Variants in CD38 observed in about 807,000 individuals in gnomAD.
The protein encoded by CD38 is CD38 molecule.
CD38 carries 31 observed loss-of-function variants against 36.3 expected under a neutral mutation model. The observed-to-expected ratio is 0.85, with a 90% CI of 0.64 to 1.15. CD38 has a LOEUF of 1.15. Among genes scored for constraint, CD38 ranks in the 50% most tolerant of loss-of-function variants. The pLI is 0.00. For missense variants in CD38, 380 were observed against 371.9 expected (o/e 1.02, Z -0.18); for synonymous variants, 131 against 135.2 (o/e 0.97, Z 0.22).
In CD38 at chr4:15,825,001, G is replaced by A; in HGVS notation, c.484G>A (p.Glu162Lys). 6.2e-7 allele frequency: 1 copy of A among 1,612,250 alleles called. No homozygotes were observed. Among genetic ancestry groups the A allele is most frequent in the Non-Finnish European group, 8.5e-7 (1 of 1,179,006 alleles). ...YLADDLTWCGEFNTSKINYQS... is the reference protein window; with the variant it reads ...YLADDLTWCGKFNTSKINYQS... ...TGCTGATGACCTCACATGGTGTGGT[G>A]AATTCAACACTTCCAGTGAGGCTCT... Residue 162 changes from glutamate to lysine, a missense_variant, in exon 3 of 8, where the codon GAA becomes AAA. Physicochemically the swap from Glu to Lys is moderately conservative, Grantham distance 56. Coordinates refer to ENST00000226279, the MANE Select transcript of CD38 (RefSeq NM_001775.4).
intron 1 of CD38, 76 bp from the exon 2 acceptor site, chr4:15,816,435 T>G: frequency 7.9e-7 from 1 of 1,270,686 alleles, no homozygotes; most frequent in Non-Finnish European, 1.1e-6. Flanking sequence ...TAAATAAGAT[T>G]CTAAAAAATA....
intron 3 of CD38, among the ~76,000 whole-genome samples, chr4:15,827,457 T>C (rs1045370973): frequency 6.6e-6 from 1 of 152,192 alleles, no homozygotes; most frequent in African/African-American, 2.4e-5. Context: ...TCACAATGTT[T>C]AAAATATTTT....
At chr4:15,825,893 T>A (rs1723835074) in intron 3 of CD38, 2 of 152,120 alleles carry the variant, frequency 1.3e-5, no homozygotes, top group African/African-American at 2.4e-5. Flanking sequence ...CCAGAAAGAC[T>A]CAACACCTCA....
Position 15,808,667 on chromosome 4 carries a change from G to A in CD38, c.234-7844G>A, listed in dbSNP as rs184374924. On this transcript the variant is annotated intron_variant, in intron 1 of 7. Transcript: ENST00000226279. The stretch of plus-strand genomic sequence containing the variant: ...AGTGTTTTTTGGACAGAGAAGCATT[G>A]AAGATGCCCTGGTTTTAAGGTCTTA... Among the ~76,000 whole-genome samples the A allele has an allele frequency of 2.9e-3, 439 of 152,326 alleles. 2 individuals are homozygous for A. Among genetic ancestry groups the A allele is most frequent in the African/African-American group, 8.9e-3 (369 of 41,576 alleles).
chr4:15,791,057 G>GC (rs1408190384), intron 1 of CD38, among the ~76,000 whole-genome samples: 51 of 129,346 alleles, frequency 3.9e-4, no homozygotes, highest in Non-Finnish European at 7.6e-4. Flanking sequence ...GGGGGGGTCA[G>GC]CCCCCCGCCC....
intron 1 of CD38, among the ~76,000 whole-genome samples, chr4:15,806,792 A>T (rs1723350898): frequency 6.6e-6 from 1 of 152,182 alleles, no homozygotes; most frequent in African/African-American, 2.4e-5. Flanking sequence ...TGCCCATCCT[A>T]TGCTGTGTTG....
intron 1 of CD38, among the ~76,000 whole-genome samples, chr4:15,812,205 A>T (rs539812359): frequency 7.3e-4 from 111 of 152,314 alleles, no homozygotes; most frequent in Non-Finnish European, 1.4e-3. Context: ...GTAGCATTGT[A>T]GTAAGTTTTG....
At chr4:15,806,702 T>A (rs1560311631) in intron 1 of CD38, among the ~76,000 whole-genome samples, 1 of 151,774 alleles carries the variant, frequency 6.6e-6, no homozygotes, top group Non-Finnish European at 1.5e-5. Flanking sequence ...ATAGGGTGAG[T>A]GAGAGGTCTG....
chr4:15,811,923 T>C (rs1723482682), intron 1 of CD38, among the ~76,000 whole-genome samples: 1 of 152,212 alleles, frequency 6.6e-6, no homozygotes, highest in African/African-American at 2.4e-5. Context: ...ATGCCTGGGC[T>C]CAGGTTTCTT....
intron 1 of CD38, among the ~76,000 whole-genome samples, chr4:15,807,551 G>A (rs7668511): frequency 0.027 from 4,098 of 152,040 alleles, 122 homozygotes; most frequent in African/African-American, 0.071. Context: ...TGAGTGTCAG[G>A]GGGGGCTGCA....
intron 3 of CD38, among the ~76,000 whole-genome samples, chr4:15,826,459 G>GCACGCACACACACACA (rs1222637407): frequency 3.4e-5 from 5 of 146,348 alleles, no homozygotes; most frequent in African/African-American, 1.3e-4. Flanking sequence ...ACTTTTGTGC[G>GCACGCACACACACACA]CACACACACA....
chr4:15,837,757 A>G (rs574443202), intron 4 of CD38, among the ~76,000 whole-genome samples: 2 of 152,290 alleles, frequency 1.3e-5, no homozygotes, highest in East Asian at 1.9e-4. Context: ...TTTACAGTGC[A>G]TGACACTGAG....
In CD38 at chr4:15,787,774, C is replaced by T. The variant is rs535236988; in HGVS notation, c.233+9127C>T. Among the ~76,000 whole-genome samples, 3 of 152,212 alleles carry T rather than the reference C, an allele frequency of 2.0e-5. No individual in the cohort carries two copies. In the South Asian group the frequency reaches 6.2e-4, roughly 32 times the overall value. The stretch of plus-strand genomic sequence containing the variant: ...AGTGAAAGAGCGGCTAGGGGACTGC[C>T]GAAGAGTCAGCAGTCTCAATAAACT... On this transcript the variant is annotated intron_variant, in intron 1 of 7. Transcript: ENST00000226279.
At chr4:15,833,140 C>T (rs1195367882) in intron 3 of CD38, among the ~76,000 whole-genome samples, 1 of 152,152 alleles carries the variant, frequency 6.6e-6, no homozygotes, top group East Asian at 1.9e-4. Context: ...CCCCTCTGGC[C>T]CAGGGCAGGC....
intron 1 of CD38, among the ~76,000 whole-genome samples, chr4:15,786,029 C>T (rs1441099308): frequency 2.0e-5 from 3 of 151,928 alleles, no homozygotes; most frequent in South Asian, 2.1e-4. Context: ...TGGAGTTGTT[C>T]GTTCCTCCTG....
chr4:15,778,818 T>C lies in CD38; in HGVS notation c.233+171T>C, dbSNP rs965753243. Among the ~76,000 whole-genome samples, 3 of 151,882 alleles carry C rather than the reference T, an allele frequency of 2.0e-5. No homozygotes were observed. Among genetic ancestry groups the C allele is most frequent in the African/African-American group, 7.2e-5 (3 of 41,388 alleles). On this transcript the variant is annotated intron_variant, in intron 1 of 7. Transcript: ENST00000226279. This position sits in a 1 kb window ranked among gnomAD's most constrained non-coding sequence, Gnocchi z 4.9. ...CCGGGCTCGGGGCTCCGCGGGCCGC[T>C]TTCAGGAGCAGCTGGCCTTGGCACC...
intron 1 of CD38, among the ~76,000 whole-genome samples, chr4:15,803,059 C>G (rs1723263799): frequency 6.6e-6 from 1 of 152,048 alleles, no homozygotes; most frequent in Non-Finnish European, 1.5e-5. Context: ...ACACCTTTTT[C>G]AATAAATATT....
intron 3 of CD38, among the ~76,000 whole-genome samples, chr4:15,831,106 A>G (rs928507889): frequency 6.6e-6 from 1 of 152,320 alleles, no homozygotes; most frequent in African/African-American, 2.4e-5. Context: ...GCTGATAACA[A>G]CTTAACACAG....
intron 4 of CD38, among the ~76,000 whole-genome samples, chr4:15,835,680 T>G (rs1011148614): frequency 1.3e-5 from 2 of 152,174 alleles, no homozygotes; most frequent in South Asian, 4.1e-4. Context: ...GCCCGGCTAA[T>G]TTTTGTATTT....
Sources: allele counts gnomAD v4.1 joint callset (sites outside exome capture counted in the v4.1 genomes callset), GRCh38; gene constraint gnomAD v4.1.1; non-coding constraint Gnocchi (gnomAD v3.1); transcripts MANE v1.5; gene names NCBI Gene and HGNC (gene_info 2026-07-23, HGNC 2026-07-21).